Variants in SF3B3 observed in about 807,000 individuals in gnomAD.
The protein encoded by SF3B3 is SAP 130.
Under a neutral mutation model 139.2 loss-of-function variants are expected in SF3B3, and 33 were observed. The observed-to-expected ratio is 0.24, with a 90% confidence interval of 0.18 to 0.32. The LOEUF (loss-of-function observed/expected upper bound fraction) is 0.32. Among genes scored for constraint, SF3B3 ranks in the 10% least tolerant of loss-of-function variants. The probability of loss-of-function intolerance (pLI) is 1.00; values close to 1 mark genes in which losing one functional copy is unlikely to be tolerated. For synonymous variants in SF3B3, 596 were observed against 563.6 expected, an observed-to-expected ratio of 1.06 and a Z score of -0.81; for missense variants, 818 against 1,509.4, an observed-to-expected ratio of 0.54 and a Z score of 7.59.
chr16:70,550,650 G>C, intron 11 of SF3B3: 1 of 985,770 alleles, frequency 1.0e-6, no homozygotes, highest in Non-Finnish European at 1.2e-6. Flanking sequence ...TCTTCCACAG[G>C]TGGCTGGTGA....
intron 15 of SF3B3, among the ~76,000 whole-genome samples, chr16:70,559,392 T>C (rs1304471399): frequency 6.6e-6 from 1 of 152,084 alleles, no homozygotes; most frequent in Non-Finnish European, 1.5e-5. Context: ...TTGCTGTTTT[T>C]TAGAGTAACA....
intron 7 of SF3B3, 53 bp downstream of exon 7, chr16:70,538,513 A>T: frequency 6.9e-7 from 1 of 1,456,912 alleles, no homozygotes; most frequent in South Asian, 1.2e-5. Context: ...TGAGATAGGC[A>T]AGACAGGTAA....
At chr16:70,538,175 C>T (rs1430366852) in intron 6 of SF3B3, 148 bp from the exon 7 acceptor site, 2 of 784,200 alleles carry the variant, frequency 2.6e-6, no homozygotes, top group East Asian at 2.5e-5. Context: ...TGTGGGGTTC[C>T]AGTGCTCTGG....
chr16:70,548,697 G>C (rs751815951), intron 11 of SF3B3, among the ~76,000 whole-genome samples: 4 of 152,208 alleles, frequency 2.6e-5, no homozygotes, highest in Non-Finnish European at 5.9e-5. Flanking sequence ...GAATCATAGA[G>C]CTGTCAAATG....
At position 70,571,788 on chromosome 16, in the gene SF3B3, A is replaced by C; in HGVS notation, c.3629A>C (p.Asp1210Ala). 6.2e-7 allele frequency: 1 copy of C among 1,613,950 alleles called. No homozygotes were observed. The highest frequency in any genetic ancestry group is 8.5e-7 in the Non-Finnish European group (1 of 1,179,976). The change falls in exon 26 of 26, where the codon GAT (aspartate) becomes GCT (alanine). Residue 1210 changes from aspartate (D) to alanine (A), a missense_variant. This residue lies in a region of SF3B3 where 28 missense variants were observed against 59.1 expected (regional missense o/e 0.47). Transcript: ENST00000302516. The stretch of plus-strand genomic sequence containing the variant: ...CCCGAAGTGTCCAAGAAACTCGAGG[A>C]TATCCGGACCCGCTACGCCTTCTGA... ...TPPEVSKKLE[D>A]IRTRYAF
At chr16:70,544,834 G>GT (rs1374718487) in intron 10 of SF3B3, among the ~76,000 whole-genome samples, 1 of 151,824 alleles carries the variant, frequency 6.6e-6, no homozygotes, top group Non-Finnish European at 1.5e-5. Context: ...GCTTACAGGT[G>GT]TAAGCCACTG....
intron 15 of SF3B3, 115 bp downstream of exon 15, chr16:70,557,144 A>G: frequency 2.7e-6 from 3 of 1,092,512 alleles, no homozygotes; most frequent in Non-Finnish European, 3.9e-6. Context: ...TCACCTTATG[A>G]AAAGTGAACA....
rs756163133 is a variant in SF3B3, at chr16:70,571,771, G to A, written c.3612G>A (p.Val1204=). Reference sequence around the variant, plus strand: ...AACTGGACCGAACCCCACCCGAAGTGTCCAAGAAACTCGAGGATATCCGGA... The same window carrying A: ...AACTGGACCGAACCCCACCCGAAGTATCCAAGAAACTCGAGGATATCCGGA... ...SEELDRTPPE[V]SKKLEDIRTR... The change falls in exon 26 of 26, where the codon GTG becomes GTA. Residue 1204 remains valine, a synonymous_variant. Transcript: ENST00000302516. 1 of 1,613,974 alleles carries A rather than the reference G, an allele frequency of 6.2e-7. No individual in the cohort carries two copies.
At position 70,529,126 on chromosome 16, in the gene SF3B3, C is replaced by T. The variant is rs1302985894; in HGVS notation, c.324C>T (p.Gly108=). 1.2e-6 allele frequency: 2 copies of T among 1,614,180 alleles called. No homozygotes were observed. The highest frequency in any genetic ancestry group is 4.5e-5 in the East Asian group (2 of 44,880). The change falls in exon 3 of 26, where the codon GGC becomes GGT. Residue 108 remains glycine, a synonymous_variant. Coordinates refer to ENST00000302516, the MANE Select transcript of SF3B3 (RefSeq NM_012426.5). ...AGAAGATTCACCAAGAAACCTTTGG[C>T]AAGAGTGGATGCCGTCGCATCGTTC... is the stretch of plus-strand genomic sequence containing the variant. The part of the protein sequence containing the change: ...MFEKIHQETF[G]KSGCRRIVPG...
In SF3B3 at chr16:70,560,335, G is replaced by A. The variant is rs574706943; in HGVS notation, c.2011-134G>A. The A allele has an allele frequency of 2.7e-5, 23 of 852,004 alleles. No homozygotes were observed. The Admixed American group carries it at 3.3e-4, about 12-fold the overall frequency. The allele number at this position is 852,004 out of a possible 1,614,324, so 52.8% of individuals were successfully genotyped here. A position where few individuals can be genotyped will look rare whatever the true frequency, so the allele number is the denominator to read the frequency against. ...AAATGAATGGCTATCGGATTATTAG[G>A]ATCTTTTTTAAACACCCAAGTCATT... On this transcript the variant is annotated intron_variant, in intron 15 of 25. Transcript: ENST00000302516.
chr16:70,542,708 CTTTTTTTTTCT>C lies in SF3B3; in HGVS notation c.1233+895_1233+905del, dbSNP rs552262589. On this transcript the variant is annotated intron_variant, in intron 9 of 25. Transcript: ENST00000302516. ...AACAGAAAATAAATGTGACTAATTTCTTTTTTTTTCTTTTTTTTTTCTTTTTTTTTTGAGAT... is the reference window on the plus strand; with the variant it reads ...AACAGAAAATAAATGTGACTAATTTCTTTTTTTTTCTTTTTTTTTTGAGAT... Among the ~76,000 whole-genome samples, 130 of 150,116 alleles carry C rather than the reference CTTTTTTTTTCT, an allele frequency of 8.7e-4. 2 individuals carry two copies. The highest frequency in any genetic ancestry group is 7.9e-3 in the South Asian group (37 of 4,698).
chr16:70,557,170 C>G, intron 15 of SF3B3, 141 bp downstream of exon 15: 2 of 831,712 alleles, frequency 2.4e-6, no homozygotes, highest in South Asian at 4.3e-5. Context: ...ACTCTGGGTT[C>G]CACTTTTCTC....
intron 6 of SF3B3, among the ~76,000 whole-genome samples, chr16:70,537,251 G>A (rs2151779784): frequency 6.6e-6 from 1 of 152,322 alleles, no homozygotes; most frequent in Non-Finnish European, 1.5e-5. Context: ...TGTACATAAT[G>A]TTGGTTTATC....
chr16:70,568,393 T>C lies in SF3B3; in HGVS notation c.3063T>C (p.Leu1021=), dbSNP rs2050497367. 6.2e-7 allele frequency: 1 copy of C among 1,614,124 alleles called. No individual in the cohort carries two copies. The highest frequency in any genetic ancestry group is 8.5e-7 in the Non-Finnish European group (1 of 1,179,920). The change falls in exon 22 of 26, where the codon CTT becomes CTC. Residue 1021 remains leucine, a synonymous_variant. Transcript: ENST00000302516. ...WVRYKRNENQ[L]IIFADDTYPR... is the part of the protein sequence containing the mutation. ...GCTACAAGCGTAATGAAAACCAGCT[T>C]ATCATCTTTGCTGATGATACCTACC...
intron 20 of SF3B3, chr16:70,565,865 C>G (rs550418607): frequency 2.5e-4 from 52 of 209,724 alleles, no homozygotes; most frequent in African/African-American, 1.2e-3. Flanking sequence ...GCCTGTAATC[C>G]CAGCACTTTG....
At chr16:70,561,596 C>G in intron 16 of SF3B3, 34 bp from the exon 17 acceptor site, 1 of 1,602,714 alleles carries the variant, frequency 6.2e-7, no homozygotes, top group Non-Finnish European at 8.5e-7. Context: ...TTTTCCCAAA[C>G]CTTATTGGAG....
chr16:70,559,781 T>C lies in SF3B3; in HGVS notation c.2011-688T>C, dbSNP rs556590263. 3.9e-5 allele frequency among the ~76,000 whole-genome samples: 6 copies of C among 151,914 alleles called. No individual in the cohort carries two copies. The South Asian group carries it at 1.3e-3, about 32-fold the overall frequency. ...TGCTGAAAACTCCTTTTTTTTTTTT[T>C]AAACAGAGACAGAGTCTCGCTATGT... is the stretch of plus-strand genomic sequence containing the variant. On this transcript the variant is annotated intron_variant, in intron 15 of 25. Transcript: ENST00000302516.
chr16:70,533,719 G>A (rs2050142212), intron 5 of SF3B3, among the ~76,000 whole-genome samples: 1 of 152,142 alleles, frequency 6.6e-6, no homozygotes, highest in Admixed American at 6.5e-5. Flanking sequence ...GTTCTATTTT[G>A]AATCATTTGC....
At chr16:70,559,789 GAC>G (rs1439101904) in intron 15 of SF3B3, among the ~76,000 whole-genome samples, 3 of 150,182 alleles carry the variant, frequency 2.0e-5, no homozygotes, top group African/African-American at 7.4e-5. Flanking sequence ...TTTAAACAGA[GAC>G]AGAGTCTCGC....
Sources: gnomAD v4.1 joint callset for allele counts (sites outside exome capture counted in the v4.1 genomes callset) on GRCh38, gnomAD v4.1.1 for gene constraint, gnomAD v4.1.1 regional missense constraint, MANE v1.5 for transcripts, NCBI Gene and HGNC (gene_info 2026-07-23, HGNC 2026-07-21) for gene names.